The following IARS1 variants were observed in gnomAD, a reference collection of about 807,000 sequenced individuals.
The protein encoded by IARS1 is isoleucine--tRNA ligase, cytoplasmic.
A neutral mutation model predicts 168.2 loss-of-function variants in IARS1; 124 were observed. The observed-to-expected ratio is 0.74, with a 90% CI of 0.64 to 0.86. IARS1 has a LOEUF of 0.86. IARS1 is among the 40% of genes least tolerant of loss of function. The pLI is 0.00. For missense variants in IARS1, 1,452 were observed against 1,515.8 expected (o/e 0.96, Z 0.70); for synonymous variants, 532 against 529.4 (o/e 1.00, Z -0.07).
At chr9:92,277,835 C>T (rs760009708) in intron 9 of IARS1, 28 bp downstream of exon 9, 68 of 1,593,366 alleles carry the variant, frequency 4.3e-5, no homozygotes, top group Non-Finnish European at 5.5e-5. Flanking sequence ...TTGTGGAGAG[C>T]GCCCACAGTA....
At chr9:92,247,725 G>C (rs1027029116) in intron 25 of IARS1, among the ~76,000 whole-genome samples, 174 bp from the exon 26 acceptor site, 1 of 152,174 alleles carries the variant, frequency 6.6e-6, no homozygotes, top group Non-Finnish European at 1.5e-5. Flanking sequence ...TAGAGTATTT[G>C]GCAATATGAA....
At chr9:92,292,747 T>C (rs1198489060) in intron 1 of IARS1, among the ~76,000 whole-genome samples, 1 of 152,060 alleles carries the variant, frequency 6.6e-6, no homozygotes, top group Non-Finnish European at 1.5e-5. Flanking sequence ...TTCAGCAATT[T>C]CGAGACCACC....
At chr9:92,240,824 A>T (rs1828278972) in intron 30 of IARS1, 32 bp downstream of exon 30, 1 of 1,379,954 alleles carries the variant, frequency 7.2e-7, no homozygotes, top group South Asian at 1.2e-5. Flanking sequence ...TAACTAAAAA[A>T]AAGTCACACA....
At chr9:92,258,596 C>T (rs3780343) in intron 19 of IARS1, among the ~76,000 whole-genome samples, 4 of 149,164 alleles carry the variant, frequency 2.7e-5, no homozygotes, top group East Asian at 3.9e-4. Flanking sequence ...ACCTCAAAAA[C>T]AAAAACAACA....
chr9:92,221,567 G>C (rs1055669851), intron 33 of IARS1, among the ~76,000 whole-genome samples: 4 of 152,210 alleles, frequency 2.6e-5, no homozygotes, highest in African/African-American at 9.6e-5. Context: ...GAAACTCAGA[G>C]GGTAGGGTGA....
At chr9:92,245,885 G>A (rs1271511228) in intron 26 of IARS1, among the ~76,000 whole-genome samples, 1 of 151,816 alleles carries the variant, frequency 6.6e-6, no homozygotes, top group Non-Finnish European at 1.5e-5. Context: ...CCCGGCCTCA[G>A]TCTCCTGAGT....
intron 16 of IARS1, 76 bp downstream of exon 16, chr9:92,264,853 G>T: frequency 8.0e-7 from 1 of 1,243,636 alleles, no homozygotes; most frequent in Non-Finnish European, 1.1e-6. Flanking sequence ...GTAGATAAAT[G>T]GCAGTGACTT....
intron 33 of IARS1, among the ~76,000 whole-genome samples, chr9:92,221,776 T>C (rs1839694154): frequency 6.6e-6 from 1 of 152,174 alleles, no homozygotes; most frequent in Admixed American, 6.5e-5. Context: ...CTTCACAGTG[T>C]TACGTGTCTC....
At chr9:92,215,666 A>C (rs796719511) in intron 33 of IARS1, among the ~76,000 whole-genome samples, 10 of 140,240 alleles carry the variant, frequency 7.1e-5, no homozygotes, top group African/African-American at 2.5e-4. Context: ...GGAAGAAAGA[A>C]TATCAGCGAT....
rs370194547 is a variant in IARS1, at chr9:92,250,206, C to T, written c.2513G>A (p.Arg838Gln). The T allele has an allele frequency of 1.0e-5, 16 of 1,607,932 alleles. No individual in the cohort carries two copies. The highest frequency in any genetic ancestry group is 8.3e-5 in the Admixed American group (5 of 59,990). ...VIELGRVIRD[R>Q]KTIPIKYPLK... ...TCAAACCTTTATGGGAATAGTTTTTCGGTCTCTGATCACTCTTCCAAGTTC... is the reference window on the plus strand; with the variant it reads ...TCAAACCTTTATGGGAATAGTTTTTTGGTCTCTGATCACTCTTCCAAGTTC... Residue 838 changes from arginine (R) to glutamine (Q), a missense_variant, in exon 24 of 34, where the codon CGA becomes CAA. Arg to Gln is a conservative substitution (Grantham distance 43, BLOSUM62 1). Coordinates refer to ENST00000443024, the MANE Select transcript of IARS1 (RefSeq NM_002161.6).
At chr9:92,257,284 CT>C in intron 19 of IARS1, among the ~76,000 whole-genome samples, 1 of 152,228 alleles carries the variant, frequency 6.6e-6, no homozygotes. Flanking sequence ...AGTCCTTGCT[CT>C]ACAAACAGAA....
At chr9:92,288,721 C>T (rs547702497) in intron 2 of IARS1, among the ~76,000 whole-genome samples, 176 of 151,962 alleles carry the variant, frequency 1.2e-3, no homozygotes, top group African/African-American at 4.1e-3. Flanking sequence ...AGTGCCTAAA[C>T]GAGGGTGGTG....
chr9:92,256,985 ATTAATTTAT>A (rs1480639575), intron 19 of IARS1, among the ~76,000 whole-genome samples, 185 bp from the exon 20 acceptor site: 1 of 151,862 alleles, frequency 6.6e-6, no homozygotes, highest in Non-Finnish European at 1.5e-5. Flanking sequence ...TAAGTCCTCA[ATTAATTTAT>A]TATGTTTTTG....
intron 9 of IARS1, among the ~76,000 whole-genome samples, chr9:92,275,762 C>T (rs1330173215): frequency 6.6e-6 from 1 of 152,188 alleles, no homozygotes; most frequent in Non-Finnish European, 1.5e-5. Flanking sequence ...AGGCAGTGTC[C>T]GCTGACTCAG....
chr9:92,284,061 C>T (rs142670722), intron 6 of IARS1, among the ~76,000 whole-genome samples: 3 of 152,118 alleles, frequency 2.0e-5, no homozygotes, highest in East Asian at 1.9e-4. Flanking sequence ...TCCTGTAGTC[C>T]CAGCTACTCA....
chr9:92,284,196 A>G (rs192748756), intron 6 of IARS1, among the ~76,000 whole-genome samples: 5 of 152,324 alleles, frequency 3.3e-5, no homozygotes, highest in Admixed American at 3.3e-4. Flanking sequence ...AACAACAACA[A>G]AAAGGTAACT....
At chr9:92,281,155 G>C (rs1016172315) in intron 6 of IARS1, among the ~76,000 whole-genome samples, 15 of 135,390 alleles carry the variant, frequency 1.1e-4, no homozygotes, top group African/African-American at 4.1e-4. Context: ...TTTTTTTTTA[G>C]ATGGAGTCTC....
At chr9:92,238,941 A>T (rs1372960551) in intron 30 of IARS1, among the ~76,000 whole-genome samples, 1 of 152,220 alleles carries the variant, frequency 6.6e-6, no homozygotes, top group Non-Finnish European at 1.5e-5. Context: ...TAATAAACCA[A>T]CTTTACCACA....
At chr9:92,273,677 G>A (rs780364544) in intron 10 of IARS1, among the ~76,000 whole-genome samples, 2 of 152,136 alleles carry the variant, frequency 1.3e-5, no homozygotes, top group African/African-American at 2.4e-5. Context: ...AATTGCACCC[G>A]TACCCTCTAC....
Sources: gnomAD v4.1 joint callset for allele counts (sites outside exome capture counted in the v4.1 genomes callset) on GRCh38, gnomAD v4.1.1 for gene constraint, MANE v1.5 for transcripts, NCBI Gene and HGNC (gene_info 2026-07-23, HGNC 2026-07-21) for gene names.